Variants in RANBP17 observed in about 807,000 individuals in gnomAD.
RANBP17 encodes ran-binding protein 17.
In RANBP17, 158 loss-of-function variants were observed where a neutral mutation model predicts 141.2. That is an observed-to-expected ratio of 1.12 (90% CI 0.98 to 1.28). The LOEUF (loss-of-function observed/expected upper bound fraction) is 1.28, where lower values mean the gene tolerates loss of function less well. Ranked by LOEUF, RANBP17 falls within the 50% of genes most tolerant of loss-of-function variation. RANBP17 has a pLI of 0.00. For synonymous variants in RANBP17, 430 were observed against 450.0 expected, an observed-to-expected ratio of 0.96 and a Z score of 0.56; for missense variants, 1,438 against 1,290.7, an observed-to-expected ratio of 1.11 and a Z score of -1.75.
chr5:171,184,508 C>G (rs1013867696), intron 18 of RANBP17, among the ~76,000 whole-genome samples: 6 of 139,056 alleles, frequency 4.3e-5, no homozygotes, highest in African/African-American at 1.5e-4. Context: ...TCAAAAGATA[C>G]AAAGTTTCAG....
In RANBP17 at chr5:170,948,125, C is replaced by A. The variant is rs114990288; in HGVS notation, c.1469-5472C>A. On this transcript the variant is annotated intron_variant, in intron 12 of 27. Transcript: ENST00000523189. ...GACTGGTCAGCATAGTTGTATCTTT[C>A]CCCAGTTATATTAAACTGTGTGAGT... 3.9e-3 allele frequency among the ~76,000 whole-genome samples: 598 copies of A among 152,234 alleles called. 7 individuals are homozygous for A. Among genetic ancestry groups the A allele is most frequent in the African/African-American group, 0.014 (573 of 41,554 alleles).
chr5:171,191,109 A>G lies in RANBP17; in HGVS notation c.2038+7679A>G, dbSNP rs144249095. On this transcript the variant is annotated intron_variant, in intron 18 of 27. Transcript: ENST00000523189. ...TAGGGGTGAGGGTAGCACAGTATCC[A>G]TATACTTTGGCTTATAAGAGGTAAT... Among the ~76,000 whole-genome samples the G allele has an allele frequency of 4.9e-3, 742 of 152,304 alleles. 5 individuals carry two copies. Among genetic ancestry groups the G allele is most frequent in the African/African-American group, 0.016 (684 of 41,568 alleles).
chr5:171,120,217 C>T (rs1366142654), intron 14 of RANBP17, among the ~76,000 whole-genome samples: 1 of 152,130 alleles, frequency 6.6e-6, no homozygotes, highest in Admixed American at 6.5e-5. Flanking sequence ...TGTGGTGATT[C>T]AAGGCCCTCT....
chr5:171,257,795 C>T (rs528479883), intron 24 of RANBP17, among the ~76,000 whole-genome samples: 2 of 152,182 alleles, frequency 1.3e-5, no homozygotes, highest in African/African-American at 4.8e-5. Context: ...TAGGCAGTGC[C>T]ATTTATAATA....
At chr5:170,941,085 A>G (rs1216027645) in intron 12 of RANBP17, among the ~76,000 whole-genome samples, 1 of 152,182 alleles carries the variant, frequency 6.6e-6, no homozygotes, top group African/African-American at 2.4e-5. Flanking sequence ...CAGAAATACA[A>G]CATTTTTGGA....
At chr5:170,973,045 T>G (rs964327149) in intron 14 of RANBP17, among the ~76,000 whole-genome samples, 5 of 152,186 alleles carry the variant, frequency 3.3e-5, no homozygotes, top group African/African-American at 1.2e-4. Context: ...TGCTGTCTTT[T>G]TTCCTTTGGT....
intron 14 of RANBP17, among the ~76,000 whole-genome samples, chr5:171,027,498 T>G (rs1487751822): frequency 6.6e-6 from 1 of 152,096 alleles, no homozygotes; most frequent in African/African-American, 2.4e-5. Flanking sequence ...TTCTGAAATT[T>G]TTTGTTTTGC....
At position 170,892,370 on chromosome 5, in the gene RANBP17, G is replaced by A; in HGVS notation, c.257-17G>A. 2 of 1,573,720 alleles carry A rather than the reference G, an allele frequency of 1.3e-6. No individual in the cohort carries two copies. Among genetic ancestry groups the A allele is most frequent in the Non-Finnish European group, 1.7e-6 (2 of 1,158,322 alleles). ...TTCTGAAAAGTCCAGATGACCCATG[G>A]AGTGTTTTCTTTGTAGGAAACTACA... On this transcript the variant is annotated splice_polypyrimidine_tract_variant and intron_variant, in intron 3 of 27. Coordinates refer to ENST00000523189, the MANE Select transcript of RANBP17 (RefSeq NM_022897.5).
intron 14 of RANBP17, among the ~76,000 whole-genome samples, chr5:170,977,340 TAATAAC>T (rs1777453864): frequency 6.6e-6 from 1 of 151,870 alleles, no homozygotes; most frequent in Non-Finnish European, 1.5e-5. Flanking sequence ...AAAAAAAAGA[TAATAAC>T]AATTGTGAGT....
intron 25 of RANBP17, among the ~76,000 whole-genome samples, chr5:171,291,697 T>C (rs1768508778): frequency 6.6e-6 from 1 of 152,182 alleles, no homozygotes; most frequent in African/African-American, 2.4e-5. Context: ...CCCCCATTGG[T>C]TGGCTGTTTC....
chr5:170,897,424 T>C (rs1401679172), intron 5 of RANBP17: 1 of 391,016 alleles, frequency 2.6e-6, no homozygotes, highest in East Asian at 6.2e-5. Flanking sequence ...TTCATTGTTA[T>C]ACTTTAAGTT....
intron 25 of RANBP17, among the ~76,000 whole-genome samples, chr5:171,285,191 C>G (rs1375350563): frequency 6.6e-6 from 1 of 152,132 alleles, no homozygotes; most frequent in Non-Finnish European, 1.5e-5. Flanking sequence ...TTTTAAGATT[C>G]AACTTAAAAT....
At chr5:171,178,170 A>AACC (rs1760629388) in intron 16 of RANBP17, among the ~76,000 whole-genome samples, 1 of 36,054 alleles carries the variant, frequency 2.8e-5, no homozygotes. Context: ...TCCCTCCCCT[A>AACC]CCCCCCCACC....
At chr5:170,965,312 G>A (rs868663113) in intron 13 of RANBP17, among the ~76,000 whole-genome samples, 3,953 of 151,094 alleles carry the variant, frequency 0.026, 155 homozygotes, top group African/African-American at 0.09. Context: ...TTTGTCAGAT[G>A]AGTAGGTTGC....
intron 12 of RANBP17, among the ~76,000 whole-genome samples, chr5:170,949,360 A>G (rs892814215): frequency 7.9e-5 from 12 of 152,190 alleles, no homozygotes; most frequent in Admixed American, 6.5e-5. Context: ...TCTAGAATAC[A>G]TAAATAATTA....
intron 27 of RANBP17, 45 bp downstream of exon 27, chr5:171,296,059 C>A (rs781368168): frequency 6.3e-7 from 1 of 1,589,632 alleles, no homozygotes; most frequent in Admixed American, 1.7e-5. Context: ...GTAGACATTC[C>A]AGGTTTGTTG....
intron 14 of RANBP17, among the ~76,000 whole-genome samples, chr5:171,082,918 A>G (rs1785349380): frequency 6.6e-6 from 1 of 150,760 alleles, no homozygotes; most frequent in African/African-American, 2.4e-5. Flanking sequence ...GAATTTATTT[A>G]CTTCTTGTTT....
intron 12 of RANBP17, among the ~76,000 whole-genome samples, chr5:170,944,547 C>T (rs1291457333): frequency 6.6e-6 from 1 of 152,198 alleles, no homozygotes; most frequent in Non-Finnish European, 1.5e-5. Flanking sequence ...GTATTACAGG[C>T]GTGAGCCACT....
chr5:170,873,723 C>G (rs2127333355), intron 1 of RANBP17, among the ~76,000 whole-genome samples: 1 of 152,066 alleles, frequency 6.6e-6, no homozygotes, highest in South Asian at 2.1e-4. Context: ...CTATTTGATT[C>G]TTCTCTCTTT....
Sources: gnomAD v4.1 joint callset for allele counts (sites outside exome capture counted in the v4.1 genomes callset) on GRCh38, gnomAD v4.1.1 for gene constraint, MANE v1.5 for transcripts, NCBI Gene and HGNC (gene_info 2026-07-23, HGNC 2026-07-21) for gene names.